PIK3R5: variants seen among roughly 807,000 people sequenced by gnomAD.
PIK3R5 encodes the protein phosphoinositide 3-kinase regulatory subunit 5.
PIK3R5 carries 32 observed loss-of-function variants against 94.9 expected under a neutral mutation model. That is an observed-to-expected ratio of 0.34 (90% CI 0.25 to 0.45). PIK3R5 has a LOEUF of 0.45. Ranked by LOEUF, PIK3R5 falls within the 20% of genes least tolerant of loss-of-function variation. PIK3R5 has a pLI of 1.00. For missense variants in PIK3R5, 853 were observed against 1,144.6 expected (o/e 0.75, Z 3.68); for synonymous variants, 443 against 479.4 (o/e 0.92, Z 0.99).
At position 8,926,891 on chromosome 17, in the gene PIK3R5, A is replaced by G. The variant is rs373781506; in HGVS notation, c.-13-15384T>C. Among the ~76,000 whole-genome samples, 36 of 151,966 alleles carry G rather than the reference A, an allele frequency of 2.4e-4. No individual in the cohort carries two copies. The East Asian group carries it at 6.4e-3, about 27-fold the overall frequency. On this transcript the variant is annotated intron_variant, in intron 1 of 18. Coordinates refer to ENST00000447110, the MANE Select transcript of PIK3R5 (RefSeq NM_001142633.3). The stretch of plus-strand genomic sequence containing the variant: ...ATATATATTTTATGCCTTGTTTTTT[A>G]TCACATAGATAACAGAGGTTATATA...
chr17:8,964,227 A>G (rs1323164757), intron 1 of PIK3R5, among the ~76,000 whole-genome samples: 1 of 152,064 alleles, frequency 6.6e-6, no homozygotes, highest in African/African-American at 2.4e-5. Context: ...CCCTGCCTCT[A>G]CAAAAAATAC....
In PIK3R5 at chr17:8,925,187, A is replaced by T. The variant is rs1183662241; in HGVS notation, c.-13-13680T>A. On this transcript the variant is annotated intron_variant, in intron 1 of 18. Transcript: ENST00000447110. The surrounding 1 kb of genome is among the most constrained non-coding windows in gnomAD (Gnocchi z 5.1). ...TAGATGGATAGATGGGTAGATAGAT[A>T]GACAGAAAGTAGATGGATAGATAGA... 6.6e-6 allele frequency among the ~76,000 whole-genome samples: 1 copy of T among 151,704 alleles called. No homozygotes were observed. Among genetic ancestry groups the T allele is most frequent in the African/African-American group, 2.4e-5 (1 of 41,314 alleles).
Position 8,896,480 on chromosome 17 carries a change from C to T in PIK3R5, c.413-2825G>A, listed in dbSNP as rs944326562. 6.6e-6 allele frequency among the ~76,000 whole-genome samples: 1 copy of T among 152,150 alleles called. No homozygotes were observed. Among genetic ancestry groups the T allele is most frequent in the African/African-American group, 2.4e-5 (1 of 41,426 alleles). Reference sequence around the variant, plus strand: ...AAAAATCTTGCCTGGGTTGTTCCTACGTCAGGCTCTAGCAAGTAAGAAATT... The same window carrying T: ...AAAAATCTTGCCTGGGTTGTTCCTATGTCAGGCTCTAGCAAGTAAGAAATT... On this transcript the variant is annotated intron_variant, in intron 5 of 18. Transcript: ENST00000447110. The surrounding 1 kb of genome is among the most constrained non-coding windows in gnomAD (Gnocchi z 4.0).
At chr17:8,902,928 C>G (rs930214643) in intron 5 of PIK3R5, among the ~76,000 whole-genome samples, 1 of 150,662 alleles carries the variant, frequency 6.6e-6, no homozygotes, top group Admixed American at 6.6e-5. Context: ...GCACTTGAAC[C>G]TCCACCTCCT....
At chr17:8,965,479 G>C (rs1035310902) in intron 1 of PIK3R5, 117 bp downstream of exon 1, 1 of 152,382 alleles carries the variant, frequency 6.6e-6, no homozygotes, top group Non-Finnish European at 1.5e-5. Flanking sequence ...TCCAGCCCTC[G>C]GGCTGCGGCG....
chr17:8,880,617 C>A lies in PIK3R5; in HGVS notation c.*22G>T. On this transcript the variant is annotated 3_prime_UTR_variant, in exon 19 of 19. Coordinates refer to ENST00000447110, the MANE Select transcript of PIK3R5 (RefSeq NM_001142633.3). ...GAGGAGGTTGCCCCAGGGCTTCTGT[C>A]CAGTCTGGCGCTGGGCCCACACTAG... 1 of 1,582,480 alleles carries A rather than the reference C, an allele frequency of 6.3e-7. No homozygotes were observed. The highest frequency in any genetic ancestry group is 8.6e-7 in the Non-Finnish European group (1 of 1,164,792).
chr17:8,911,363 A>G lies in PIK3R5; in HGVS notation c.103+29T>C. 6 of 1,578,316 alleles carry G rather than the reference A, an allele frequency of 3.8e-6. No individual in the cohort carries two copies. The highest frequency in any genetic ancestry group is 1.3e-5 in the African/African-American group (1 of 74,662). On this transcript the variant is annotated intron_variant, in intron 2 of 18. Coordinates refer to ENST00000447110, the MANE Select transcript of PIK3R5 (RefSeq NM_001142633.3). The surrounding 1 kb of genome is among the most constrained non-coding windows in gnomAD (Gnocchi z 5.3). The stretch of plus-strand genomic sequence containing the variant: ...GCCCCTGAGGCTTCCTTGAGCCCTC[A>G]AACACCTCCCCGGCTCCCTTGGACC...
At chr17:8,961,838 G>C (rs1463580675) in intron 1 of PIK3R5, among the ~76,000 whole-genome samples, 1 of 152,086 alleles carries the variant, frequency 6.6e-6, no homozygotes, top group Non-Finnish European at 1.5e-5. Flanking sequence ...TGCCATGAAA[G>C]TCATCCATTT....
chr17:8,887,592 C>G lies in PIK3R5; in HGVS notation c.1708G>C (p.Gly570Arg). 6.2e-7 allele frequency: 1 copy of G among 1,609,938 alleles called. No homozygotes were observed. Among genetic ancestry groups the G allele is most frequent in the Non-Finnish European group, 8.5e-7 (1 of 1,178,260 alleles). The change falls in exon 11 of 19, where the codon GGT becomes CGT. Residue 570 changes from glycine (G) to arginine (R), a missense_variant. This residue lies in a region of PIK3R5 where 319 missense variants were observed against 339.8 expected (regional missense o/e 0.94). Coordinates refer to ENST00000447110, the MANE Select transcript of PIK3R5 (RefSeq NM_001142633.3). Reference protein sequence around the residue: ...PVKRSHGTSPGACPPPRSQTP... With the variant: ...PVKRSHGTSPRACPPPRSQTP... ...TGGCTCCGAGGGGGTGGACAGGCACCAGGGCTGGTCCCATGACTTCGCTTC... is the reference window on the plus strand; with the variant it reads ...TGGCTCCGAGGGGGTGGACAGGCACGAGGGCTGGTCCCATGACTTCGCTTC...
At chr17:8,949,240 C>A (rs542928704) in intron 1 of PIK3R5, among the ~76,000 whole-genome samples, 1 of 152,162 alleles carries the variant, frequency 6.6e-6, no homozygotes, top group African/African-American at 2.4e-5. Flanking sequence ...TTTACTCAAG[C>A]GCCATGTGGA....
At position 8,956,021 on chromosome 17, in the gene PIK3R5, G is replaced by C. The variant is rs145673313; in HGVS notation, c.-14+9575C>G. Among the ~76,000 whole-genome samples, 3 of 152,174 alleles carry C rather than the reference G, an allele frequency of 2.0e-5. No homozygotes were observed. In the East Asian group the frequency reaches 5.8e-4, roughly 29 times the overall value. ...AACACACACAAAAAATTAGCTGGGC[G>C]TGGTGGCATACACCTGTAGTCCCAG... On this transcript the variant is annotated intron_variant, in intron 1 of 18. Coordinates refer to ENST00000447110, the MANE Select transcript of PIK3R5 (RefSeq NM_001142633.3).
chr17:8,912,240 G>A (rs2090542413), intron 1 of PIK3R5, among the ~76,000 whole-genome samples: 1 of 152,140 alleles, frequency 6.6e-6, no homozygotes, highest in Non-Finnish European at 1.5e-5. Context: ...AGAGCCCCCA[G>A]CAGGGCCAGC....
chr17:8,958,821 C>T (rs1385943777), intron 1 of PIK3R5, among the ~76,000 whole-genome samples: 1 of 151,002 alleles, frequency 6.6e-6, no homozygotes, highest in Non-Finnish European at 1.5e-5. Flanking sequence ...TGCAATGGCG[C>T]GATCTCGGCT....
chr17:8,912,973 C>T (rs2090557736), intron 1 of PIK3R5, among the ~76,000 whole-genome samples: 1 of 152,232 alleles, frequency 6.6e-6, no homozygotes, highest in African/African-American at 2.4e-5. Flanking sequence ...ATCACGGGTT[C>T]ACTGACTGTC....
rs116827798 is a variant in PIK3R5 at position 8,935,868 on chromosome 17, C to T, written c.-13-24361G>A. 0.078 allele frequency among the ~76,000 whole-genome samples: 11,917 copies of T among 152,016 alleles called. 555 individuals carry two copies. The highest frequency in any genetic ancestry group is 0.17 in the Middle Eastern group (49 of 292). ...AGGAGATCGAGACTATACTGGCTAA[C>T]GCAGTGAAACCCGATCTCTACTAAA... On this transcript the variant is annotated intron_variant, in intron 1 of 18. Coordinates refer to ENST00000447110, the MANE Select transcript of PIK3R5 (RefSeq NM_001142633.3). This position sits in a 1 kb window ranked among gnomAD's most constrained non-coding sequence, Gnocchi z 4.5.
At chr17:8,962,902 C>G (rs2091592070) in intron 1 of PIK3R5, among the ~76,000 whole-genome samples, 3 of 152,192 alleles carry the variant, frequency 2.0e-5, no homozygotes, top group African/African-American at 7.2e-5. Flanking sequence ...ATCTGAGGCT[C>G]AAAAATCAAA....
intron 2 of PIK3R5, among the ~76,000 whole-genome samples, chr17:8,910,941 G>C (rs765349842): frequency 1.3e-5 from 2 of 152,092 alleles, no homozygotes; most frequent in African/African-American, 4.8e-5. Context: ...CCTGGGAGGT[G>C]GGAAACATAG....
At chr17:8,914,232 C>T (rs1416729624) in intron 1 of PIK3R5, among the ~76,000 whole-genome samples, 2 of 152,128 alleles carry the variant, frequency 1.3e-5, no homozygotes, top group East Asian at 3.9e-4. Flanking sequence ...GCAAGTCCCT[C>T]ATTTTACAGA....
intron 1 of PIK3R5, among the ~76,000 whole-genome samples, chr17:8,929,855 G>T (rs973176625): frequency 6.6e-6 from 1 of 151,870 alleles, no homozygotes; most frequent in Non-Finnish European, 1.5e-5. Context: ...CCAACTACTG[G>T]GTACAATGTA....
Sources: allele counts gnomAD v4.1 joint callset (sites outside exome capture counted in the v4.1 genomes callset), GRCh38; gene constraint gnomAD v4.1.1; regional missense constraint gnomAD v4.1.1; non-coding constraint Gnocchi (gnomAD v3.1); transcripts MANE v1.5; gene names NCBI Gene and HGNC (gene_info 2026-07-23, HGNC 2026-07-21).